The following KRI1 variants were observed in gnomAD, a reference collection of about 807,000 sequenced individuals.
KRI1 encodes KRI1 homolog.
KRI1 carries 83 observed loss-of-function variants against 97.0 expected under a neutral mutation model. The ratio of observed to expected loss-of-function variants is 0.86; its 90% CI spans 0.72 to 1.03. The LOEUF (loss-of-function observed/expected upper bound fraction) is 1.03, where lower values mean the gene tolerates loss of function less well. KRI1 is among the 50% of genes least tolerant of loss of function. The probability of loss-of-function intolerance (pLI) is 0.00; values close to 1 mark genes in which losing one functional copy is unlikely to be tolerated. For synonymous variants in KRI1, 371 were observed against 363.5 expected, an observed-to-expected ratio of 1.02 and a Z score of -0.23; for missense variants, 916 against 928.4, an observed-to-expected ratio of 0.99 and a Z score of 0.17.
rs1271743852 is a variant in KRI1, at chr19:10,557,877, GGTC to G, written c.1375_1377del (p.Asp459del). On this transcript the variant is annotated inframe_deletion, in exon 15 of 19. Transcript: ENST00000312962. The stretch of plus-strand genomic sequence containing the variant: ...CGCTTTTTCTTCCTCGGCTGGCTGG[GGTC>G]GTAGTCGGCGTCCATCTGCCAGGAC... The G allele has an allele frequency of 6.2e-7, 1 of 1,613,408 alleles. No individual in the cohort carries two copies. The highest frequency in any genetic ancestry group is 8.5e-7 in the Non-Finnish European group (1 of 1,179,882).
rs549631446 is a variant in KRI1 at position 10,564,926 on chromosome 19, G to A, written c.274+3C>T. On this transcript the variant is annotated splice_donor_region_variant and intron_variant, in intron 3 of 18. Coordinates refer to ENST00000312962, the MANE Select transcript of KRI1 (RefSeq NM_023008.5). ...AGAGGTTTAGACAGGAGTGGCCCCGGACCTGTTCTGTTATAGAAGGTGGCA... is the reference window on the plus strand; with the variant it reads ...AGAGGTTTAGACAGGAGTGGCCCCGAACCTGTTCTGTTATAGAAGGTGGCA... 1.8e-4 allele frequency: 284 copies of A among 1,586,192 alleles called. 4 individuals carry two copies. In the South Asian group the frequency reaches 2.1e-3, roughly 12 times the overall value.
intron 16 of KRI1, among the ~76,000 whole-genome samples, 164 bp downstream of exon 16, chr19:10,557,388 T>G (rs778340631): frequency 2.6e-5 from 4 of 152,100 alleles, no homozygotes; most frequent in Non-Finnish European, 5.9e-5. Context: ...ATTACAGGCA[T>G]GAGCCACTGC....
intron 2 of KRI1, chr19:10,565,327 G>C (rs537783277): frequency 1.1e-5 from 6 of 540,612 alleles, no homozygotes; most frequent in African/African-American, 5.8e-5. Context: ...AAGAGAGACA[G>C]CGGGGAGGGG....
chr19:10,560,469 G>A, intron 8 of KRI1, 21 bp from the exon 9 acceptor site: 1 of 1,578,042 alleles, frequency 6.3e-7, no homozygotes, highest in South Asian at 1.1e-5. Flanking sequence ...CAGGAGACAG[G>A]ACTCTGGTCA....
Position 10,559,482 on chromosome 19 carries a change from C to T in KRI1, c.1071G>A (p.Lys357=). 6.2e-7 allele frequency: 1 copy of T among 1,614,072 alleles called. No homozygotes were observed. Among genetic ancestry groups the T allele is most frequent in the South Asian group, 1.1e-5 (1 of 91,086 alleles). The part of the protein sequence containing the change: ...QEELKQLKNL[K]RKEILAKLEK... ...CCAGCTTGGCCAGAATCTCCTTCCT[C>T]TTCAGGTTCTTCAGCTGCTTGAGCT... Residue 357 remains lysine (K), a synonymous_variant, in exon 12 of 19, where the codon AAG becomes AAA. Transcript: ENST00000312962.
Position 10,562,805 on chromosome 19 carries a change from C to A in KRI1, c.307G>T (p.Ala103Ser). The A allele has an allele frequency of 1.9e-6, 3 of 1,612,818 alleles. No homozygotes were observed. The highest frequency in any genetic ancestry group is 2.5e-6 in the Non-Finnish European group (3 of 1,178,840). The change falls in exon 4 of 19, where the codon GCC becomes TCC. Residue 103 changes from alanine to serine, a missense_variant. This residue lies in a region of KRI1 where 173 missense variants were observed against 153.1 expected (regional missense o/e 1.13). Transcript: ENST00000312962. ...CGCACTTTCTTCTGCTTCTCCAAGGCTTCTGGGTCCTCCTCACTGTCTGAT... is the reference window on the plus strand; with the variant it reads ...CGCACTTTCTTCTGCTTCTCCAAGGATTCTGGGTCCTCCTCACTGTCTGAT... ...SSSDSEEDPE[A>S]LEKQKKVRPM... is the part of the protein sequence containing the mutation.
Position 10,553,992 on chromosome 19 carries a change from G to C in KRI1, c.2071C>G (p.Arg691Gly), listed in dbSNP as rs145517989. The change falls in exon 19 of 19, where the codon CGG becomes GGG. Residue 691 changes from arginine to glycine, a missense_variant. By Grantham distance (125) the Arg-to-Gly change is moderately radical (BLOSUM62 -2). Around this residue, in one of 3 missense-constraint regions of KRI1, gnomAD observed 672 missense variants for 667.2 expected, o/e 1.01. Transcript: ENST00000312962. The stretch of plus-strand genomic sequence containing the variant: ...GGCCCCTGTTGTTTCCTCCGCTGCC[G>C]GCCCAGCTGGCGGAAGTGCAGCCGT... ...PKRLHFRQLG[R>G]QRRKQQGPKN... The C allele has an allele frequency of 4.3e-6, 7 of 1,612,180 alleles. No individual in the cohort carries two copies. The highest frequency in any genetic ancestry group is 5.9e-6 in the Non-Finnish European group (7 of 1,179,056).
chr19:10,554,541 C>A (rs1916433275), intron 18 of KRI1, among the ~76,000 whole-genome samples: 1 of 152,048 alleles, frequency 6.6e-6, no homozygotes, highest in African/African-American at 2.4e-5. Flanking sequence ...TCAATTAACT[C>A]ATTTTAGCCT....
At position 10,553,138 on chromosome 19, in the gene KRI1, T is replaced by C; in HGVS notation, c.*813A>G. On this transcript the variant is annotated 3_prime_UTR_variant, in exon 19 of 19. Coordinates refer to ENST00000312962, the MANE Select transcript of KRI1 (RefSeq NM_023008.5). ...TTATGTCATGTCGGGTGTGGGATCT[T>C]GAGCTCTGGCAGTGATGATGGTACT... is the stretch of plus-strand genomic sequence containing the variant. The C allele has an allele frequency of 6.8e-7, 1 of 1,475,454 alleles. No individual in the cohort carries two copies. The highest frequency in any genetic ancestry group is 2.2e-5 in the Admixed American group (1 of 45,180). 91.4% of individuals were successfully genotyped at this position (1,475,454 alleles called of 1,614,324 possible).
chr19:10,558,129 C>T (rs961235070), intron 13 of KRI1, 35 bp downstream of exon 13: 4 of 1,613,448 alleles, frequency 2.5e-6, no homozygotes, highest in African/African-American at 2.7e-5. Flanking sequence ...GTCCCCAGTC[C>T]CCAATCCCCA....
At position 10,560,300 on chromosome 19, in the gene KRI1, G is replaced by A. The variant is rs140497012; in HGVS notation, c.800+12C>T. The A allele has an allele frequency of 3.1e-5, 50 of 1,595,920 alleles. No individual in the cohort carries two copies. The East Asian group carries it at 1.1e-3, about 36-fold the overall frequency. ...CCCAAAATCTAGGTCCTGGGGAGATGCAGTGGCTCACCCCTCCTCTTCCTC... is the reference window on the plus strand; with the variant it reads ...CCCAAAATCTAGGTCCTGGGGAGATACAGTGGCTCACCCCTCCTCTTCCTC... On this transcript the variant is annotated intron_variant, in intron 9 of 18. Coordinates refer to ENST00000312962, the MANE Select transcript of KRI1 (RefSeq NM_023008.5).
Position 10,561,172 on chromosome 19 carries a change from C to G in KRI1, c.582G>C (p.Glu194Asp), listed in dbSNP as rs773117996. 1.2e-6 allele frequency: 2 copies of G among 1,614,108 alleles called. No homozygotes were observed. Among genetic ancestry groups the G allele is most frequent in the Non-Finnish European group, 1.7e-6 (2 of 1,179,970 alleles). The change falls in exon 7 of 19, where the codon GAG (glutamate) becomes GAC (aspartate). Residue 194 changes from glutamate to aspartate, a missense_variant. By Grantham distance (45) the Glu-to-Asp change is conservative. Coordinates refer to ENST00000312962, the MANE Select transcript of KRI1 (RefSeq NM_023008.5). Reference sequence around the variant, plus strand: ...CCAGTCAGGCCCCAGTACCCACCTTCTCCTGCCTGGTTTTGGCACGTTTCT... The same window carrying G: ...CCAGTCAGGCCCCAGTACCCACCTTGTCCTGCCTGGTTTTGGCACGTTTCT... The part of the protein sequence containing the change: ...LLQKRAKTRQ[E>D]KAQEEADYIE...
At chr19:10,562,897 G>A in intron 3 of KRI1, 60 bp from the exon 4 acceptor site, 2 of 1,048,140 alleles carry the variant, frequency 1.9e-6, no homozygotes, top group Admixed American at 1.7e-5. Context: ...CCGTGGCAGA[G>A]AATCCCACAG....
At position 10,559,478 on chromosome 19, in the gene KRI1, TC is replaced by T; in HGVS notation, c.1074del (p.Lys359ArgfsTer13). The T allele has an allele frequency of 3.1e-6, 5 of 1,614,042 alleles. No homozygotes were observed. Among genetic ancestry groups the T allele is most frequent in the Non-Finnish European group, 4.2e-6 (5 of 1,180,010 alleles). The stretch of plus-strand genomic sequence containing the variant: ...TTCTCCAGCTTGGCCAGAATCTCCT[TC>T]CTCTTCAGGTTCTTCAGCTGCTTGA... Reference protein sequence around the residue: ...EELKQLKNLKRKEILAKLEKL... With the variant: ...EELKQLKNLKXKEILAKLEKL... On this transcript the variant is annotated frameshift_variant, in exon 12 of 19. Coordinates refer to ENST00000312962, the MANE Select transcript of KRI1 (RefSeq NM_023008.5). LOFTEE classifies it high-confidence loss of function.
chr19:10,559,731 A>G, intron 10 of KRI1, 23 bp from the exon 11 acceptor site: 2 of 1,614,060 alleles, frequency 1.2e-6, no homozygotes, highest in Non-Finnish European at 1.7e-6. Flanking sequence ...AGAAAAGCCC[A>G]CAAGGGCCGC....
intron 2 of KRI1, 45 bp downstream of exon 2, chr19:10,565,672 G>T (rs1368231652): frequency 2.0e-6 from 3 of 1,532,132 alleles, no homozygotes; most frequent in Non-Finnish European, 2.6e-6. Flanking sequence ...TGCAGAGGGG[G>T]GCTTGGACGC....
intron 9 of KRI1, 42 bp downstream of exon 9, chr19:10,560,270 G>T: frequency 6.5e-7 from 1 of 1,548,240 alleles, no homozygotes; most frequent in Non-Finnish European, 8.7e-7. Flanking sequence ...ACTTCATGAA[G>T]CGCACCCAAA....
intron 18 of KRI1, among the ~76,000 whole-genome samples, chr19:10,554,518 T>G (rs780796315): frequency 3.9e-4 from 60 of 152,064 alleles, no homozygotes; most frequent in Admixed American, 1.6e-3. Context: ...GGGCCTGCCC[T>G]AAGCTAGTCA....
Position 10,559,793 on chromosome 19 carries a change from C to T in KRI1, c.927+17G>A, listed in dbSNP as rs757654611. On this transcript the variant is annotated intron_variant, in intron 10 of 18. Transcript: ENST00000312962. ...TGAACCCTGGGGGCTGAGTCCTCCC[C>T]AGCCCCAGCCACACACCGATGCTGA... 6.2e-7 allele frequency: 1 copy of T among 1,613,518 alleles called. No individual in the cohort carries two copies. Among genetic ancestry groups the T allele is most frequent in the South Asian group, 1.1e-5 (1 of 91,086 alleles).
Sources: allele counts gnomAD v4.1 joint callset (sites outside exome capture counted in the v4.1 genomes callset), GRCh38; gene constraint gnomAD v4.1.1; regional missense constraint gnomAD v4.1.1; transcripts MANE v1.5; gene names NCBI Gene and HGNC (gene_info 2026-07-23, HGNC 2026-07-21).